The following WDR4 variants were observed in gnomAD, a reference collection of about 807,000 sequenced individuals.
WDR4 encodes the protein WDR4 tRNA N7-guanosine methyltransferase non-catalytic subunit.
Under a neutral mutation model 48.6 loss-of-function variants are expected in WDR4, and 47 were observed. The observed-to-expected ratio is 0.97, with a 90% CI of 0.77 to 1.23. WDR4 has a LOEUF of 1.23. Ranked by LOEUF, WDR4 falls within the 50% of genes most tolerant of loss-of-function variation. WDR4 has a pLI of 0.00. For synonymous variants in WDR4, 268 were observed against 230.0 expected (o/e 1.17, Z -1.49); for missense variants, 606 against 551.6 (o/e 1.10, Z -0.99).
chr21:42,878,310 C>T (rs537184744), intron 1 of WDR4, among the ~76,000 whole-genome samples: 2 of 152,266 alleles, frequency 1.3e-5, no homozygotes, highest in East Asian at 3.9e-4. Flanking sequence ...AAAAACTTTC[C>T]ATATGGAACC....
the WDR4 span, among the ~76,000 whole-genome samples, chr21:42,888,804 A>G: frequency 6.6e-6 from 1 of 151,334 alleles, no homozygotes. Flanking sequence ...GGATTCAAGC[A>G]ATTCTCCTGC....
intron 7 of WDR4, 55 bp downstream of exon 7, chr21:42,855,627 C>A: frequency 7.4e-7 from 1 of 1,349,236 alleles, no homozygotes; most frequent in Non-Finnish European, 9.9e-7. Context: ...TCAAGTCAGG[C>A]GACTGCCGGT....
chr21:42,844,108 G>A (rs8128549), intron 11 of WDR4, among the ~76,000 whole-genome samples: 1 of 152,108 alleles, frequency 6.6e-6, no homozygotes, highest in Non-Finnish European at 1.5e-5. Context: ...TTGAAGACGT[G>A]GAAACAGAAT....
chr21:42,859,784 C>G (rs906736950), intron 5 of WDR4, 62 bp from the exon 6 acceptor site: 1 of 1,514,018 alleles, frequency 6.6e-7, no homozygotes, highest in South Asian at 1.2e-5. Context: ...ACCGGGAGGC[C>G]TGGGGAGGCC....
intron 3 of WDR4, among the ~76,000 whole-genome samples, chr21:42,865,071 G>C (rs2058217881): frequency 1.3e-5 from 2 of 152,234 alleles, no homozygotes; most frequent in African/African-American, 4.8e-5. Flanking sequence ...CTCAGGGGCA[G>C]AGGGACTAAA....
chr21:42,871,138 A>G (rs2058361538), intron 3 of WDR4, among the ~76,000 whole-genome samples: 1 of 152,218 alleles, frequency 6.6e-6, no homozygotes, highest in Admixed American at 6.5e-5. Flanking sequence ...GTGAGGACAT[A>G]GGGAGAAGAC....
At chr21:42,872,299 T>A (rs1366721664) in intron 3 of WDR4, among the ~76,000 whole-genome samples, 4 of 152,044 alleles carry the variant, frequency 2.6e-5, no homozygotes, top group African/African-American at 9.7e-5. Context: ...GAATTTGGGT[T>A]TTTACTCTTC....
intron 5 of WDR4, among the ~76,000 whole-genome samples, chr21:42,860,607 ACCGCCCTGCACG>A (rs2058091771): frequency 6.6e-6 from 1 of 152,156 alleles, no homozygotes; most frequent in African/African-American, 2.4e-5. Context: ...TCCCGCAGCC[ACCGCCCTGCACG>A]GCACCACAGC....
At position 42,873,605 on chromosome 21, in the gene WDR4, T is replaced by C. The variant is rs755972847; in HGVS notation, c.242A>G (p.Asp81Gly). Residue 81 changes from aspartate (D) to glycine (G), a missense_variant, in exon 3 of 11, where the codon GAC becomes GGC. Physicochemically the swap from Asp to Gly is moderately conservative, Grantham distance 94. Coordinates refer to ENST00000398208, the MANE Select transcript of WDR4 (RefSeq NM_018669.6). ...KSGSYFALTD[D>G]SKRLILFRTK... is the part of the protein sequence containing the mutation. ...ACGGAAAAGAATCAGACGCTTACTG[T>C]CATCGGTTAAAGCAAAATAGCTGCC... The C allele has an allele frequency of 6.2e-7, 1 of 1,614,054 alleles. No individual in the cohort carries two copies. The highest frequency in any genetic ancestry group is 1.3e-5 in the African/African-American group (1 of 74,912).
At chr21:42,892,680 C>T in the WDR4 span, among the ~76,000 whole-genome samples, 1 of 152,220 alleles carries the variant, frequency 6.6e-6, no homozygotes, top group Non-Finnish European at 1.5e-5. Context: ...TTACGACTAA[C>T]GTTGGGGACG....
chr21:42,845,654 T>C (rs1015714268), downstream of WDR4, among the ~76,000 whole-genome samples: 7 of 152,176 alleles, frequency 4.6e-5, no homozygotes, highest in African/African-American at 1.4e-4. Context: ...CTGTGGGCCT[T>C]CCAAGTCGAT....
At chr21:42,851,879 C>A (rs8133752) in intron 10 of WDR4, among the ~76,000 whole-genome samples, 64,936 of 151,928 alleles carry the variant, frequency 0.43, 15,283 homozygotes, top group African/African-American at 0.63. Flanking sequence ...TTACTGACGC[C>A]CACTGCAGTG....
chr21:42,891,327 CAA>C, the WDR4 span, among the ~76,000 whole-genome samples: 11 of 123,748 alleles, frequency 8.9e-5, no homozygotes, highest in Admixed American at 3.4e-4. Context: ...GATTCTGTCT[CAA>C]AAAAAAAAAA....
chr21:42,852,464 G>C, intron 9 of WDR4, 140 bp from the exon 10 acceptor site: 1 of 861,052 alleles, frequency 1.2e-6, no homozygotes, highest in Non-Finnish European at 1.8e-6. Flanking sequence ...CACCTTCTGT[G>C]GAGACCTGGG....
In WDR4 at chr21:42,862,508, T is replaced by C; in HGVS notation, c.454-114A>G. 1.1e-6 allele frequency: 1 copy of C among 927,312 alleles called. No homozygotes were observed. Among genetic ancestry groups the C allele is most frequent in the Non-Finnish European group, 1.6e-6 (1 of 608,454 alleles). 57.4% of individuals were successfully genotyped at this position (927,312 alleles called of 1,614,324 possible). A position where few individuals can be genotyped will look rare whatever the true frequency, so the allele number is the denominator to read the frequency against. ...GCCTGGCCGCCAAGAGGATGAGGCC[T>C]TCGAGGACAGACCAGCGTGGCTCCT... On this transcript the variant is annotated intron_variant, in intron 4 of 10. Coordinates refer to ENST00000398208, the MANE Select transcript of WDR4 (RefSeq NM_018669.6). The surrounding 1 kb of genome is among the most constrained non-coding windows in gnomAD (Gnocchi z 4.3).
At chr21:42,866,709 G>A (rs540195467) in intron 3 of WDR4, among the ~76,000 whole-genome samples, 10 of 151,218 alleles carry the variant, frequency 6.6e-5, no homozygotes, top group South Asian at 2.1e-4. Context: ...TGCCCCACTC[G>A]CATCCCCCAA....
chr21:42,857,329 C>T (rs1040294969), intron 6 of WDR4, among the ~76,000 whole-genome samples: 2 of 152,244 alleles, frequency 1.3e-5, no homozygotes, highest in Admixed American at 6.5e-5. Context: ...CCAGAAGAGA[C>T]CGACTGACCC....
At chr21:42,880,902 C>G (rs1291504080), upstream of WDR4, among the ~76,000 whole-genome samples, 3 of 151,430 alleles carry the variant, frequency 2.0e-5, no homozygotes, top group Non-Finnish European at 4.4e-5. Context: ...GATTCAGGTG[C>G]TCTCCATGCC....
chr21:42,851,293 A>G (rs985622759), intron 10 of WDR4, among the ~76,000 whole-genome samples: 1 of 152,144 alleles, frequency 6.6e-6, no homozygotes, highest in Non-Finnish European at 1.5e-5. Context: ...GCAGATCCCA[A>G]CCACGCTGGG....
Sources: allele counts gnomAD v4.1 joint callset (sites outside exome capture counted in the v4.1 genomes callset), GRCh38; gene constraint gnomAD v4.1.1; non-coding constraint Gnocchi (gnomAD v3.1); transcripts MANE v1.5; gene names NCBI Gene and HGNC (gene_info 2026-07-23, HGNC 2026-07-21).